The following RREB1 variants were observed in gnomAD, a reference collection of about 807,000 sequenced individuals.
RREB1 encodes the protein ras responsive element binding protein 1.
RREB1 carries 27 observed loss-of-function variants against 117.8 expected under a neutral mutation model. That is an observed-to-expected ratio of 0.23 (90% CI 0.17 to 0.32). RREB1 has a LOEUF of 0.32. Among genes scored for constraint, RREB1 ranks in the 10% least tolerant of loss-of-function variants. The pLI is 1.00. For synonymous variants in RREB1, 1,298 were observed against 1,026.7 expected (o/e 1.26, Z -5.05); for missense variants, 2,577 against 2,378.2 (o/e 1.08, Z -1.74).
intron 1 of RREB1, among the ~76,000 whole-genome samples, chr6:7,120,982 C>T (rs1761656663): frequency 6.6e-6 from 1 of 151,892 alleles, no homozygotes; most frequent in Non-Finnish European, 1.5e-5. Flanking sequence ...TGCCACTACG[C>T]CTGGCTAATT....
At chr6:7,123,557 T>G (rs928576560) in intron 1 of RREB1, among the ~76,000 whole-genome samples, 2 of 151,360 alleles carry the variant, frequency 1.3e-5, no homozygotes, top group African/African-American at 4.9e-5. Context: ...TTTAGTGAGG[T>G]TTTCTCAGAG....
intron 1 of RREB1, among the ~76,000 whole-genome samples, chr6:7,119,950 TGGAA>T (rs1761599311): frequency 1.3e-5 from 2 of 151,904 alleles, no homozygotes; most frequent in South Asian, 4.2e-4. Flanking sequence ...GGAAGGGTCG[TGGAA>T]GGGAGACATG....
chr6:7,227,496 G>A (rs1461778177), intron 9 of RREB1, among the ~76,000 whole-genome samples: 2 of 151,328 alleles, frequency 1.3e-5, no homozygotes, highest in African/African-American at 4.9e-5. Context: ...AGTCGAGATC[G>A]CGCCACTGCA....
Position 7,175,313 on chromosome 6 carries a change from C to T in RREB1, c.-284-1342C>T, listed in dbSNP as rs966491093. Among the ~76,000 whole-genome samples, 3 of 150,992 alleles carry T rather than the reference C, an allele frequency of 2.0e-5. No homozygotes were observed. In the South Asian group the frequency reaches 6.3e-4, roughly 32 times the overall value. On this transcript the variant is annotated intron_variant, in intron 1 of 12. Transcript: ENST00000379938. ...GTGGGTTTCTAGGGTCCCTGACCCTCCTGGTACTGAATGAAAATGTTGAGT... is the reference window on the plus strand; with the variant it reads ...GTGGGTTTCTAGGGTCCCTGACCCTTCTGGTACTGAATGAAAATGTTGAGT...
intron 1 of RREB1, among the ~76,000 whole-genome samples, chr6:7,119,831 CAGTT>C (rs542587928): frequency 2.5e-4 from 38 of 152,106 alleles, no homozygotes; most frequent in African/African-American, 7.2e-4. Context: ...GGAAGAATGT[CAGTT>C]AGAACGCTAG....
intron 10 of RREB1, among the ~76,000 whole-genome samples, chr6:7,235,422 T>C (rs1768256177): frequency 6.6e-6 from 1 of 152,226 alleles, no homozygotes; most frequent in African/African-American, 2.4e-5. Context: ...TGTTAAACAT[T>C]GACTCTGCAG....
intron 1 of RREB1, among the ~76,000 whole-genome samples, chr6:7,167,170 A>G (rs1037639057): frequency 6.6e-6 from 1 of 152,150 alleles, no homozygotes; most frequent in African/African-American, 2.4e-5. Context: ...TAATTAACCA[A>G]ACGTGAAGCT....
At chr6:7,247,347 C>T in intron 12 of RREB1, 126 bp downstream of exon 12, 1 of 835,696 alleles carries the variant, frequency 1.2e-6, no homozygotes, top group East Asian at 2.7e-5. Context: ...CCGGTGTGCC[C>T]TTTAAGCCCG....
At chr6:7,216,152 T>G (rs1324834041) in intron 8 of RREB1, 1 of 152,286 alleles carries the variant, frequency 6.6e-6, no homozygotes, top group Non-Finnish European at 1.5e-5. Flanking sequence ...TTGCCCAGGC[T>G]TGAAGGAAAG....
chr6:7,217,333 A>T (rs1006475866), intron 8 of RREB1: 2 of 152,164 alleles, frequency 1.3e-5, no homozygotes, highest in African/African-American at 4.8e-5. Context: ...AATAATGAGG[A>T]AGGAATTCAG....
At chr6:7,226,205 G>A (rs1231486079) in intron 8 of RREB1, among the ~76,000 whole-genome samples, 3 of 152,196 alleles carry the variant, frequency 2.0e-5, no homozygotes, top group East Asian at 1.9e-4. Context: ...TGCTCAGACT[G>A]TGGGTGTTTA....
At chr6:7,118,791 GT>G (rs1214680460) in intron 1 of RREB1, among the ~76,000 whole-genome samples, 20 of 125,198 alleles carry the variant, frequency 1.6e-4, no homozygotes, top group Non-Finnish European at 2.8e-4. Flanking sequence ...ATCCCATGGT[GT>G]TTTTTTTAAT....
In RREB1 at chr6:7,230,671, C is replaced by T. The variant is rs1365740865; in HGVS notation, c.2572C>T (p.Pro858Ser). ...SGCAALGDCK[P>S]LTAFLEPQNG... Reference sequence around the variant, plus strand: ...CTGCGCTGCCCTTGGTGACTGCAAGCCCCTCACTGCCTTCCTGGAACCCCA... The same window carrying T: ...CTGCGCTGCCCTTGGTGACTGCAAGTCCCTCACTGCCTTCCTGGAACCCCA... The change falls in exon 10 of 13, where the codon CCC (proline) becomes TCC (serine). Residue 858 changes from proline to serine, a missense_variant. Pro to Ser is a moderately conservative substitution (Grantham distance 74). Coordinates refer to ENST00000379938, the MANE Select transcript of RREB1 (RefSeq NM_001003699.4). 3.1e-6 allele frequency: 5 copies of T among 1,594,108 alleles called. No individual in the cohort carries two copies. The highest frequency in any genetic ancestry group is 1.7e-5 in the Admixed American group (1 of 57,716).
intron 1 of RREB1, among the ~76,000 whole-genome samples, chr6:7,167,483 A>G (rs1764000538): frequency 6.6e-6 from 1 of 151,468 alleles, no homozygotes; most frequent in Non-Finnish European, 1.5e-5. Flanking sequence ...CCTCCTGAGT[A>G]GCTGGGATTA....
intron 6 of RREB1, among the ~76,000 whole-genome samples, chr6:7,192,804 C>CATT (rs1222648432): frequency 6.6e-6 from 1 of 152,130 alleles, no homozygotes; most frequent in East Asian, 1.9e-4. Context: ...CTGTTCTAAA[C>CATT]ATTATTATTA....
chr6:7,200,254 G>A (rs1194359902), intron 6 of RREB1, among the ~76,000 whole-genome samples: 1 of 116,156 alleles, frequency 8.6e-6, no homozygotes, highest in Non-Finnish European at 1.6e-5. Context: ...ATGTGTGTGT[G>A]TGTGTGTGTG....
chr6:7,212,432 C>T (rs1766665103), intron 8 of RREB1: 1 of 152,216 alleles, frequency 6.6e-6, no homozygotes, highest in Non-Finnish European at 1.5e-5. Context: ...TCTGATAACT[C>T]ATCAGGCAAC....
intron 4 of RREB1, among the ~76,000 whole-genome samples, chr6:7,182,685 A>G (rs1764872054): frequency 6.6e-6 from 1 of 152,156 alleles, no homozygotes. Context: ...AAGATGGGAC[A>G]TTTCCTTGAA....
chr6:7,129,576 T>C (rs2113347237), intron 1 of RREB1, among the ~76,000 whole-genome samples: 1 of 152,360 alleles, frequency 6.6e-6, no homozygotes, highest in South Asian at 2.1e-4. Flanking sequence ...ACCCAGGATA[T>C]CTGAATTGCC....
Sources: allele counts gnomAD v4.1 joint callset (sites outside exome capture counted in the v4.1 genomes callset), GRCh38; gene constraint gnomAD v4.1.1; transcripts MANE v1.5; gene names NCBI Gene and HGNC (gene_info 2026-07-23, HGNC 2026-07-21).